SYNPR: variants seen among roughly 807,000 people sequenced by gnomAD.
The protein encoded by SYNPR is synaptoporin.
Under a neutral mutation model 32.9 loss-of-function variants are expected in SYNPR, and 23 were observed. That is an observed-to-expected ratio of 0.70 (90% CI 0.50 to 0.99). SYNPR has a LOEUF of 0.99. Ranked by LOEUF, SYNPR falls within the 50% of genes least tolerant of loss-of-function variation. SYNPR has a pLI of 0.00. For missense variants in SYNPR, 318 were observed against 349.3 expected (o/e 0.91, Z 0.71); for synonymous variants, 146 against 135.9 (o/e 1.07, Z -0.52).
chr3:63,352,081 G>A (rs1387912958), intron 2 of SYNPR, among the ~76,000 whole-genome samples: 2 of 152,084 alleles, frequency 1.3e-5, no homozygotes, highest in African/African-American at 2.4e-5. Context: ...CAGGCTGAGA[G>A]GACAGTAAGT....
At chr3:63,412,610 C>T (rs1040276245) in intron 2 of SYNPR, among the ~76,000 whole-genome samples, 46 of 152,030 alleles carry the variant, frequency 3.0e-4, no homozygotes, top group African/African-American at 7.2e-4. Flanking sequence ...AGGGTTGAGG[C>T]GCAGGGATGA....
At chr3:63,501,325 A>G (rs1187674639) in intron 3 of SYNPR, among the ~76,000 whole-genome samples, 1 of 151,968 alleles carries the variant, frequency 6.6e-6, no homozygotes, top group Non-Finnish European at 1.5e-5. Context: ...CAAAAAATAC[A>G]AGAATTATCT....
intron 2 of SYNPR, among the ~76,000 whole-genome samples, chr3:63,306,201 C>T (rs13080581): frequency 3.3e-5 from 5 of 151,826 alleles, no homozygotes; most frequent in African/African-American, 1.2e-4. Context: ...TGCATCTCAT[C>T]GATGTATGTC....
chr3:63,552,106 C>T (rs1222561142), intron 3 of SYNPR, among the ~76,000 whole-genome samples: 5 of 152,022 alleles, frequency 3.3e-5, no homozygotes, highest in Admixed American at 6.6e-5. Flanking sequence ...CCATGTTGGT[C>T]AGGCTGGTCT....
At chr3:63,234,260 A>G (rs1213956348) in intron 1 of SYNPR, among the ~76,000 whole-genome samples, 1 of 152,198 alleles carries the variant, frequency 6.6e-6, no homozygotes, top group African/African-American at 2.4e-5. Context: ...GACTTATTCT[A>G]TCACAAAAAC....
chr3:63,269,076 A>C (rs2086513229), intron 3 of SYNPR, among the ~76,000 whole-genome samples: 1 of 152,256 alleles, frequency 6.6e-6, no homozygotes. Context: ...CTATTTTCCT[A>C]ATAACATAAG....
intron 2 of SYNPR, among the ~76,000 whole-genome samples, chr3:63,322,174 A>G (rs1383972539): frequency 1.3e-5 from 2 of 152,074 alleles, no homozygotes; most frequent in Admixed American, 1.3e-4. Flanking sequence ...AATGTTCTGC[A>G]TTAGTGCCTA....
chr3:63,266,222 A>G (rs1489895743), intron 2 of SYNPR, among the ~76,000 whole-genome samples: 1 of 151,000 alleles, frequency 6.6e-6, no homozygotes, highest in Non-Finnish European at 1.5e-5. Flanking sequence ...GTTATAAACT[A>G]GTTTAATTAT....
At chr3:63,288,519 C>T (rs1193259257) in intron 2 of SYNPR, among the ~76,000 whole-genome samples, 1 of 152,182 alleles carries the variant, frequency 6.6e-6, no homozygotes, top group Non-Finnish European at 1.5e-5. Context: ...CAAAGAGGTA[C>T]ACCTTTGGCT....
intron 4 of SYNPR, among the ~76,000 whole-genome samples, chr3:63,601,038 C>T (rs569936370): frequency 3.9e-5 from 6 of 152,226 alleles, no homozygotes; most frequent in East Asian, 3.9e-4. Context: ...TTTGGGAGGC[C>T]GAGGTGGGCA....
At chr3:63,311,528 A>G (rs895727129) in intron 2 of SYNPR, among the ~76,000 whole-genome samples, 1 of 151,682 alleles carries the variant, frequency 6.6e-6, no homozygotes, top group African/African-American at 2.4e-5. Flanking sequence ...TTTTTATAAG[A>G]CTCTAAGGCC....
intron 2 of SYNPR, among the ~76,000 whole-genome samples, chr3:63,266,250 A>AT (rs11457877): frequency 0.26 from 39,087 of 150,044 alleles, 5,173 homozygotes; most frequent in South Asian, 0.4. Context: ...TTCTTTTTCT[A>AT]TTTTTTTTTT....
At chr3:63,307,753 G>T (rs187229478) in intron 2 of SYNPR, among the ~76,000 whole-genome samples, 1 of 151,744 alleles carries the variant, frequency 6.6e-6, no homozygotes, top group Non-Finnish European at 1.5e-5. Context: ...TTAAGTTTTC[G>T]TAAAAGAGGT....
At chr3:63,310,839 A>T (rs2086956498) in intron 2 of SYNPR, among the ~76,000 whole-genome samples, 1 of 151,974 alleles carries the variant, frequency 6.6e-6, no homozygotes. Context: ...AGAAATCAGA[A>T]AGGAGACTCC....
chr3:63,561,834 C>G (rs890168215), intron 4 of SYNPR, among the ~76,000 whole-genome samples: 2 of 152,156 alleles, frequency 1.3e-5, no homozygotes, highest in Non-Finnish European at 2.9e-5. Flanking sequence ...TGAGCAATTT[C>G]AGACAGACTT....
intron 3 of SYNPR, among the ~76,000 whole-genome samples, chr3:63,500,734 C>T (rs545317316): frequency 1.3e-5 from 2 of 152,232 alleles, no homozygotes; most frequent in South Asian, 4.1e-4. Flanking sequence ...ACAATTTGAT[C>T]ACTGCTCATT....
At chr3:63,609,416 C>A in intron 5 of SYNPR, 100 bp downstream of exon 5, 1 of 1,077,648 alleles carries the variant, frequency 9.3e-7, no homozygotes. Context: ...TTGTTGCCTA[C>A]AAAACTAGGC....
chr3:63,456,138 C>A (rs1042005069), intron 2 of SYNPR, among the ~76,000 whole-genome samples: 7 of 152,022 alleles, frequency 4.6e-5, no homozygotes, highest in African/African-American at 1.7e-4. Context: ...ATCACAAGAA[C>A]AGCAGGGGAA....
chr3:63,279,944 A>G (rs2086612851), intron 2 of SYNPR, among the ~76,000 whole-genome samples: 1 of 152,258 alleles, frequency 6.6e-6, no homozygotes, highest in South Asian at 2.1e-4. Context: ...TTTCCCTTAC[A>G]GTCAAGTTAA....
Sources: gnomAD v4.1 joint callset for allele counts (sites outside exome capture counted in the v4.1 genomes callset) on GRCh38, gnomAD v4.1.1 for gene constraint, MANE v1.5 for transcripts, NCBI Gene and HGNC (gene_info 2026-07-23, HGNC 2026-07-21) for gene names.